DHX57: variants seen among roughly 807,000 people sequenced by gnomAD.
DHX57 encodes the protein DExH-box helicase 57.
In DHX57, 105 loss-of-function variants were observed where a neutral mutation model predicts 156.2. That is an observed-to-expected ratio of 0.67 (90% CI 0.57 to 0.79). The LOEUF (loss-of-function observed/expected upper bound fraction) is 0.79. Ranked by LOEUF, DHX57 falls within the 30% of genes least tolerant of loss-of-function variation. DHX57 has a pLI of 0.00. For missense variants in DHX57, 1,847 were observed against 1,661.9 expected, an observed-to-expected ratio of 1.11 and a Z score of -1.94; for synonymous variants, 704 against 595.6, an observed-to-expected ratio of 1.18 and a Z score of -2.65.
Position 38,871,616 on chromosome 2 carries a change from C to T in DHX57, c.-6-3205G>A, listed in dbSNP as rs1046229706. Among the ~76,000 whole-genome samples the T allele has an allele frequency of 3.3e-5, 5 of 151,828 alleles. No homozygotes were observed. The South Asian group carries it at 6.2e-4, about 19-fold the overall frequency. On this transcript the variant is annotated intron_variant, in intron 1 of 23. Transcript: ENST00000457308. ...TCCAAGAGCATGATGCTGGCATCTG[C>T]GTAGTGTCATCTCATGGTGGAAGAT...
At chr2:38,871,587 G>T (rs754632552) in intron 1 of DHX57, among the ~76,000 whole-genome samples, 2 of 152,182 alleles carry the variant, frequency 1.3e-5, no homozygotes, top group Non-Finnish European at 2.9e-5. Flanking sequence ...TGGAGGCTGG[G>T]AAGTCCAAGA....
intron 12 of DHX57, among the ~76,000 whole-genome samples, chr2:38,839,528 A>G (rs1033396048): frequency 5.4e-5 from 8 of 148,786 alleles, no homozygotes; most frequent in African/African-American, 2.0e-4. Context: ...CCTGACCAAT[A>G]TGGGAAATCC....
In DHX57 at chr2:38,856,388, A is replaced by G; in HGVS notation, c.1661T>C (p.Leu554Pro). The G allele has an allele frequency of 6.2e-7, 1 of 1,614,110 alleles. No homozygotes were observed. ...LPAWEERETI[L>P]NLLRKHQVVV... Reference sequence around the variant, plus strand: ...CACCTGGTGCTTACGCAATAAGTTAAGAATGGTTTCTCTTTCTTCCCAAGC... The same window carrying G: ...CACCTGGTGCTTACGCAATAAGTTAGGAATGGTTTCTCTTTCTTCCCAAGC... Residue 554 changes from leucine to proline, a missense_variant, in exon 7 of 24, where the codon CTT (leucine) becomes CCT (proline). By Grantham distance (98) the Leu-to-Pro change is moderately conservative. Coordinates refer to ENST00000457308, the MANE Select transcript of DHX57 (RefSeq NM_198963.3).
intron 22 of DHX57, among the ~76,000 whole-genome samples, chr2:38,805,919 T>C (rs1286763370): frequency 6.6e-6 from 1 of 151,842 alleles, no homozygotes; most frequent in East Asian, 1.9e-4. Flanking sequence ...GAAGAGGGCA[T>C]GATGGTGAGA....
intron 1 of DHX57, among the ~76,000 whole-genome samples, chr2:38,869,953 G>T (rs942576282): frequency 6.6e-6 from 1 of 152,148 alleles, no homozygotes; most frequent in Admixed American, 6.5e-5. Context: ...AGCAGTAAAG[G>T]AAGGTATGAT....
intron 9 of DHX57, among the ~76,000 whole-genome samples, chr2:38,852,696 C>T (rs1672667852): frequency 6.6e-6 from 1 of 151,480 alleles, no homozygotes; most frequent in Non-Finnish European, 1.5e-5. Context: ...CACACCACAG[C>T]CTTGCACTCC....
At chr2:38,855,327 T>C in intron 7 of DHX57, 75 bp from the exon 8 acceptor site, 1 of 1,426,504 alleles carries the variant, frequency 7.0e-7, no homozygotes, top group South Asian at 1.2e-5. Context: ...TCATATGGAA[T>C]GAGAAAAGTG....
intron 22 of DHX57, among the ~76,000 whole-genome samples, chr2:38,805,902 G>A (rs960504701): frequency 2.0e-5 from 3 of 152,120 alleles, no homozygotes; most frequent in African/African-American, 7.2e-5. Flanking sequence ...TGCCTTTGGT[G>A]GTTCAGGAAG....
intron 12 of DHX57, 31 bp from the exon 13 acceptor site, chr2:38,837,978 A>C (rs769379674): frequency 1.1e-5 from 15 of 1,325,498 alleles, no homozygotes; most frequent in Admixed American, 1.7e-5. Flanking sequence ...AATGAGAAGG[A>C]TATTTATACC....
chr2:38,847,084 A>G lies in DHX57; in HGVS notation c.2165-11T>C. 6.2e-7 allele frequency: 1 copy of G among 1,611,642 alleles called. No homozygotes were observed. The highest frequency in any genetic ancestry group is 8.5e-7 in the Non-Finnish European group (1 of 1,178,072). On this transcript the variant is annotated splice_polypyrimidine_tract_variant and intron_variant, in intron 10 of 23. Transcript: ENST00000457308. ...CAGGAAATGTACGACCTAGAAAAAC[A>G]AGGAGACAAAATAGAAAGCCTGAGA...
intron 6 of DHX57, among the ~76,000 whole-genome samples, chr2:38,857,333 T>C (rs1302524531): frequency 6.6e-6 from 1 of 152,210 alleles, no homozygotes; most frequent in Non-Finnish European, 1.5e-5. Flanking sequence ...ACTACAACTA[T>C]ATAAATCAAT....
chr2:38,857,005 T>C (rs796241330), intron 6 of DHX57: 3 of 153,872 alleles, frequency 1.9e-5, no homozygotes, highest in African/African-American at 7.2e-5. Flanking sequence ...TAAAGCCCTC[T>C]TGCTTAGCAC....
At position 38,802,584 on chromosome 2, in the gene DHX57, G is replaced by C. The variant is rs530467643; in HGVS notation, c.4017+131C>G. 1.7e-5 allele frequency: 20 copies of C among 1,164,482 alleles called. No homozygotes were observed. The African/African-American group carries it at 2.6e-4, about 15-fold the overall frequency. The allele number at this position is 1,164,482 out of a possible 1,614,324, so 72.1% of individuals were successfully genotyped here. A position where few individuals can be genotyped will look rare whatever the true frequency, so the allele number is the denominator to read the frequency against. On this transcript the variant is annotated intron_variant, in intron 23 of 23. Coordinates refer to ENST00000457308, the MANE Select transcript of DHX57 (RefSeq NM_198963.3). ...ATTATAGGTGTGAGCCACTGGGCTC[G>C]GCCACCGTCATTCATTTTTAATTAG... is the stretch of plus-strand genomic sequence containing the variant.
At chr2:38,800,044 G>C (rs1169012335) in intron 23 of DHX57, among the ~76,000 whole-genome samples, 1 of 151,808 alleles carries the variant, frequency 6.6e-6, no homozygotes, top group Non-Finnish European at 1.5e-5. Context: ...AAAATTAGCC[G>C]GGTGGTGGCG....
At chr2:38,823,311 G>C (rs1380797650) in intron 16 of DHX57, 42 bp from the exon 17 acceptor site, 1 of 1,571,534 alleles carries the variant, frequency 6.4e-7, no homozygotes, top group Non-Finnish European at 8.7e-7. Flanking sequence ...TTTTATTTCT[G>C]GTGGGATGAC....
In DHX57 at chr2:38,819,055, C is replaced by T. The variant is rs72911273; in HGVS notation, c.3381G>A (p.Ala1127=). ...ANSDYLALLQ[A]YKGWQLSTKE... is the part of the protein sequence containing the mutation. ...TATTAGGTTATATACTTACCTTATA[C>T]GCTTGTAGAAGGGCCAGATAATCAC... The change falls in exon 18 of 24, where the codon GCG becomes GCA. Residue 1127 remains alanine (A), a synonymous_variant. Transcript: ENST00000457308. 1,198 of 1,614,182 alleles carry T rather than the reference C, an allele frequency of 7.4e-4. 9 individuals are homozygous for T. In the African/African-American group the frequency reaches 0.014, roughly 18 times the overall value.
chr2:38,842,812 A>G (rs1248230942), intron 12 of DHX57, among the ~76,000 whole-genome samples, 193 bp downstream of exon 12: 6 of 152,288 alleles, frequency 3.9e-5, no homozygotes, highest in African/African-American at 1.2e-4. Flanking sequence ...AAAAAAACCC[A>G]TTGGCAAATA....
Position 38,850,249 on chromosome 2 carries a change from T to C in DHX57, c.2031-1847A>G, listed in dbSNP as rs970726025. 3.3e-5 allele frequency among the ~76,000 whole-genome samples: 5 copies of C among 151,938 alleles called. No homozygotes were observed. In the East Asian group the frequency reaches 9.6e-4, roughly 29 times the overall value. ...AAAGGAACTGAGAGTGGTTTGGGAG[T>C]AGTAAGAGGGACTTTCACTTTATCT... On this transcript the variant is annotated intron_variant, in intron 9 of 23. Transcript: ENST00000457308.
chr2:38,868,468 T>C, intron 1 of DHX57, 57 bp from the exon 2 acceptor site: 2 of 1,537,554 alleles, frequency 1.3e-6, no homozygotes, highest in Middle Eastern at 1.8e-4. Flanking sequence ...ATGATAATCC[T>C]TTGTTTGCCA....
Sources: allele counts gnomAD v4.1 joint callset (sites outside exome capture counted in the v4.1 genomes callset), GRCh38; gene constraint gnomAD v4.1.1; transcripts MANE v1.5; gene names NCBI Gene and HGNC (gene_info 2026-07-23, HGNC 2026-07-21).